KRT84: variants seen among roughly 807,000 people sequenced by gnomAD.
KRT84 encodes keratin, type II cuticular Hb4.
In KRT84, 38 loss-of-function variants were observed where a neutral mutation model predicts 49.0. The observed-to-expected ratio is 0.78, with a 90% CI of 0.60 to 1.02. The LOEUF (loss-of-function observed/expected upper bound fraction) is 1.02, where lower values mean the gene tolerates loss of function less well. Ranked by LOEUF, KRT84 falls within the 50% of genes least tolerant of loss-of-function variation. The probability of loss-of-function intolerance (pLI) is 0.00; values close to 1 mark genes in which losing one functional copy is unlikely to be tolerated. For synonymous variants in KRT84, 334 were observed against 312.8 expected, an observed-to-expected ratio of 1.07 and a Z score of -0.72; for missense variants, 860 against 788.6, an observed-to-expected ratio of 1.09 and a Z score of -1.08.
rs1383881624 is a variant in KRT84 at position 52,381,420 on chromosome 12, G to A, written c.1018C>T (p.Gln340Ter). Residue 340 changes from glutamine to a stop codon, truncating the protein, a stop_gained, in exon 5 of 9, where the codon CAG (glutamine) becomes TAG (stop). Transcript: ENST00000257951. LOFTEE classifies it high-confidence loss of function. The stretch of plus-strand genomic sequence containing the variant: ...CTGCGCCTGGCCACCTCCTCATACT[G>A]GGCCTTGACCTCAGCAATGATCCCA... ...LDGIIAEVKAQYEEVARRSRA... is the reference protein window; with the variant it reads ...LDGIIAEVKA 1 of 1,614,170 alleles carries A rather than the reference G, an allele frequency of 6.2e-7. No individual in the cohort carries two copies. Among genetic ancestry groups the A allele is most frequent in the South Asian group, 1.1e-5 (1 of 91,076 alleles).
At chr12:52,380,747 T>C in intron 6 of KRT84, 164 bp from the exon 7 acceptor site, 1 of 749,880 alleles carries the variant, frequency 1.3e-6, no homozygotes, top group South Asian at 1.9e-5. Context: ...TAGTTTGATG[T>C]CACTATGGGG....
Position 52,385,275 on chromosome 12 carries a change from C to T in KRT84, c.311G>A (p.Gly104Asp), listed in dbSNP as rs149811135. 21 of 1,614,026 alleles carry T rather than the reference C, an allele frequency of 1.3e-5. 1 individual carries two copies. In the Middle Eastern group the frequency reaches 6.6e-4, roughly 51 times the overall value. ...GLGPRADSCV[G>D]LGFGAGSGIG... The stretch of plus-strand genomic sequence containing the variant: ...GCCACTGCCAGCTCCAAAGCCCAGA[C>T]CAACACAGCTGTCAGCCCTAGGCCC... Residue 104 changes from glycine (G) to aspartate (D), a missense_variant, in exon 1 of 9, where the codon GGT (glycine) becomes GAT (aspartate). Gly to Asp is a moderately conservative substitution (Grantham distance 94). Transcript: ENST00000257951.
Position 52,383,604 on chromosome 12 carries a change from C to G in KRT84, c.741G>C (p.Glu247Asp). Residue 247 changes from glutamate (E) to aspartate (D), a missense_variant, in exon 2 of 9, where the codon GAG becomes GAC. Glu to Asp is a conservative substitution (Grantham distance 45). Coordinates refer to ENST00000257951, the MANE Select transcript of KRT84 (RefSeq NM_033045.4). ...ATGTCACTCACTTCTTCTTGAAGCC[C>G]TCTAGGACATCCTGCAGGTGGTTCC... ...AERNHLQDVL[E>D]GFKKKYEEEV... 6.2e-7 allele frequency: 1 copy of G among 1,613,078 alleles called. No homozygotes were observed. Among genetic ancestry groups the G allele is most frequent in the South Asian group, 1.1e-5 (1 of 91,000 alleles).
intron 1 of KRT84, 44 bp downstream of exon 1, chr12:52,384,996 G>T: frequency 6.4e-7 from 1 of 1,553,394 alleles, no homozygotes; most frequent in Non-Finnish European, 8.7e-7. Context: ...AGCGCATTTT[G>T]GCTGTAATAT....
At chr12:52,383,832 G>C in intron 1 of KRT84, 34 bp from the exon 2 acceptor site, 4 of 1,567,730 alleles carry the variant, frequency 2.6e-6, no homozygotes, top group Non-Finnish European at 3.5e-6. Flanking sequence ...GGCATTTGAA[G>C]TGCTTGATAG....
In KRT84 at chr12:52,381,091, C is replaced by T. The variant is rs377281389; in HGVS notation, c.1192G>A (p.Ala398Thr). 6.2e-6 allele frequency: 10 copies of T among 1,613,920 alleles called. No homozygotes were observed. Among genetic ancestry groups the T allele is most frequent in the East Asian group, 2.2e-5 (1 of 44,894 alleles). Residue 398 changes from alanine (A) to threonine (T), a missense_variant, in exon 6 of 9, where the codon GCC (alanine) becomes ACC (threonine). By Grantham distance (58) the Ala-to-Thr change is moderately conservative (BLOSUM62 0). Transcript: ENST00000257951. Reference sequence around the variant, plus strand: ...TTTCCTTTGCCCACCTGAGCCTTGGCGTGCTCAATCTCTGCCTTAAGCCTC... The same window carrying T: ...TTTCCTTTGCCCACCTGAGCCTTGGTGTGCTCAATCTCTGCCTTAAGCCTC... ...IQRLKAEIEH[A>T]KAQRAKLEAA...
chr12:52,382,932 A>G, intron 3 of KRT84, 73 bp downstream of exon 3: 1 of 1,273,694 alleles, frequency 7.9e-7, no homozygotes, highest in Non-Finnish European at 1.1e-6. Context: ...CTGCCTGAGC[A>G]GTTTCCTGGG....
chr12:52,383,204 A>G (rs1939513757), intron 2 of KRT84, 139 bp from the exon 3 acceptor site: 3 of 699,678 alleles, frequency 4.3e-6, no homozygotes, highest in South Asian at 3.4e-5. Flanking sequence ...CTATAACATC[A>G]TCCCCTCTGT....
rs963942673 is a variant in KRT84 at position 52,385,647 on chromosome 12, C to T, written c.-62G>A. 124 of 1,495,478 alleles carry T rather than the reference C, an allele frequency of 8.3e-5. No homozygotes were observed. Among genetic ancestry groups the T allele is most frequent in the Non-Finnish European group, 1.1e-4 (119 of 1,093,228 alleles). 92.6% of individuals were successfully genotyped at this position (1,495,478 alleles called of 1,614,324 possible). A position where few individuals can be genotyped will look rare whatever the true frequency, so the allele number is the denominator to read the frequency against. On this transcript the variant is annotated 5_prime_UTR_variant, in exon 1 of 9. Coordinates refer to ENST00000257951, the MANE Select transcript of KRT84 (RefSeq NM_033045.4). ...GAATGGGTGAGCTGGAGCTGGGAGT[C>T]CCTCTGAGGCCAGTGGAACCCTTGC...
intron 8 of KRT84, among the ~76,000 whole-genome samples, chr12:52,378,936 A>G (rs939504135): frequency 1.3e-5 from 2 of 151,994 alleles, no homozygotes; most frequent in African/African-American, 4.8e-5. Context: ...AATCCACAGA[A>G]GAGCTTGCTA....
upstream of KRT84, among the ~76,000 whole-genome samples, chr12:52,386,187 C>T (rs552391902): frequency 3.3e-4 from 51 of 152,270 alleles, no homozygotes; most frequent in African/African-American, 1.2e-3. Context: ...TCCAATATGG[C>T]TGTTTAGTAT....
chr12:52,381,429 C>T lies in KRT84; in HGVS notation c.1009G>A (p.Val337Ile). 6.2e-7 allele frequency: 1 copy of T among 1,614,198 alleles called. No individual in the cohort carries two copies. Among genetic ancestry groups the T allele is most frequent in the Admixed American group, 1.7e-5 (1 of 60,030 alleles). ...GCCACCTCCTCATACTGGGCCTTGA[C>T]CTCAGCAATGATCCCATCAAGGTTC... ...DLNLDGIIAEVKAQYEEVARR... is the reference protein window; with the variant it reads ...DLNLDGIIAEIKAQYEEVARR... Residue 337 changes from valine to isoleucine, a missense_variant, in exon 5 of 9, where the codon GTC becomes ATC. Val to Ile is a conservative substitution (Grantham distance 29). Transcript: ENST00000257951.
chr12:52,381,440 A>G lies in KRT84; in HGVS notation c.998T>C (p.Ile333Thr), dbSNP rs781128772. ...DNSRDLNLDG[I>T]IAEVKAQYEE... is the part of the protein sequence containing the mutation. ...ATACTGGGCCTTGACCTCAGCAATG[A>G]TCCCATCAAGGTTCAGGTCACGGCT... The change falls in exon 5 of 9, where the codon ATC (isoleucine) becomes ACC (threonine). Residue 333 changes from isoleucine (I) to threonine (T), a missense_variant. Coordinates refer to ENST00000257951, the MANE Select transcript of KRT84 (RefSeq NM_033045.4). The G allele has an allele frequency of 6.2e-7, 1 of 1,614,170 alleles. No homozygotes were observed. Among genetic ancestry groups the G allele is most frequent in the Non-Finnish European group, 8.5e-7 (1 of 1,180,036 alleles).
intron 2 of KRT84, 58 bp downstream of exon 2, chr12:52,383,532 C>A: frequency 6.7e-7 from 1 of 1,489,952 alleles, no homozygotes; most frequent in Non-Finnish European, 9.2e-7. Context: ...AGCTTGGCAG[C>A]TAATTCTGGG....
chr12:52,382,728 CTG>C (rs757358887), intron 3 of KRT84, among the ~76,000 whole-genome samples, 196 bp from the exon 4 acceptor site: 47 of 152,210 alleles, frequency 3.1e-4, no homozygotes, highest in Non-Finnish European at 6.3e-4. Context: ...TGGACATTTC[CTG>C]ATGTTCAGTT....
rs750437115 is a variant in KRT84 at position 52,378,222 on chromosome 12, C to G, written c.1615G>C (p.Val539Leu). 1.3e-6 allele frequency: 2 copies of G among 1,569,428 alleles called. No individual in the cohort carries two copies. Among genetic ancestry groups the G allele is most frequent in the Non-Finnish European group, 8.6e-7 (1 of 1,158,654 alleles). Residue 539 changes from valine to leucine, a missense_variant, in exon 9 of 9, where the codon GTC (valine) becomes CTC (leucine). Transcript: ENST00000257951. Reference protein sequence around the residue: ...SCGPSLGGARVAPATGDLLST... With the variant: ...SCGPSLGGARLAPATGDLLST... ...AGCAGGTCCCCAGTGGCCGGGGCGA[C>G]CCGGGCTCCACCCAGGCTGGGGCCA...
rs763406960 is a variant in KRT84, at chr12:52,380,400, C to T, written c.1387G>A (p.Ala463Thr). 111 of 1,614,038 alleles carry T rather than the reference C, an allele frequency of 6.9e-5. 1 individual carries two copies. The Middle Eastern group carries it at 1.5e-3, about 22-fold the overall frequency. Residue 463 changes from alanine (A) to threonine (T), a missense_variant, in exon 7 of 9, where the codon GCC (alanine) becomes ACC (threonine). Ala to Thr is a moderately conservative substitution (Grantham distance 58). Coordinates refer to ENST00000257951, the MANE Select transcript of KRT84 (RefSeq NM_033045.4). ...CCCTCCAGCAGGCGCCTGTAGGTGG[C>T]GATCTCGATGTCCAGGCCCAGCTTG... ...NAKLGLDIEI[A>T]TYRRLLEGEE...
rs112740256 is a variant in KRT84 at position 52,380,453 on chromosome 12, A to T, written c.1334T>A (p.Leu445Gln). 37 of 1,614,198 alleles carry T rather than the reference A, an allele frequency of 2.3e-5. 1 individual carries two copies. Among genetic ancestry groups the T allele is most frequent in the African/African-American group, 2.1e-4 (16 of 75,074 alleles). The part of the protein sequence containing the change: ...QQAKQDMARQ[L>Q]CEYQELMNAK... Reference sequence around the variant, plus strand: ...ATTCATCAGCTCCTGGTACTCGCACAGCTGCCGCGCCATGTCCTGCTTGGC... The same window carrying T: ...ATTCATCAGCTCCTGGTACTCGCACTGCTGCCGCGCCATGTCCTGCTTGGC... Residue 445 changes from leucine (L) to glutamine (Q), a missense_variant, in exon 7 of 9, where the codon CTG becomes CAG. By Grantham distance (113) the Leu-to-Gln change is moderately radical (BLOSUM62 -2). Coordinates refer to ENST00000257951, the MANE Select transcript of KRT84 (RefSeq NM_033045.4).
In KRT84 at chr12:52,378,129, G is replaced by A. The variant is rs1939417062; in HGVS notation, c.1708C>T (p.Leu570=). 1.9e-6 allele frequency: 3 copies of A among 1,548,884 alleles called. No homozygotes were observed. Among genetic ancestry groups the A allele is most frequent in the Admixed American group, 2.0e-5 (1 of 49,858 alleles). Residue 570 remains leucine, a synonymous_variant, in exon 9 of 9, where the codon CTG becomes TTG. Coordinates refer to ENST00000257951, the MANE Select transcript of KRT84 (RefSeq NM_033045.4). ...CTGCTGAAGCCCCCCTGGGTGGGCA[G>A]GGGGCAGGGGACGCTGGGGACACAG... ...EACVPSVPCP[L]PTQGGFSSCS... is the part of the protein sequence containing the mutation.
Sources: gnomAD v4.1 joint callset for allele counts (sites outside exome capture counted in the v4.1 genomes callset) on GRCh38, gnomAD v4.1.1 for gene constraint, MANE v1.5 for transcripts, NCBI Gene and HGNC (gene_info 2026-07-23, HGNC 2026-07-21) for gene names.